MIA2: variants seen among roughly 807,000 people sequenced by gnomAD.
The protein encoded by MIA2 is melanoma inhibitory activity protein 2.
MIA2 carries 127 observed loss-of-function variants against 167.8 expected under a neutral mutation model. The ratio of observed to expected loss-of-function variants is 0.76; its 90% CI spans 0.66 to 0.88. The LOEUF (loss-of-function observed/expected upper bound fraction) is 0.88, where lower values mean the gene tolerates loss of function less well. Ranked by LOEUF, MIA2 falls within the 40% of genes least tolerant of loss-of-function variation. The pLI is 0.00. For synonymous variants in MIA2, 552 were observed against 541.9 expected (o/e 1.02, Z -0.26); for missense variants, 1,690 against 1,624.7 (o/e 1.04, Z -0.69).
Position 39,294,022 on chromosome 14 carries a change from T to C in MIA2, c.2342T>C (p.Ile781Thr), listed in dbSNP as rs1479581601. The change falls in exon 12 of 29, where the codon ATA becomes ACA. Residue 781 changes from isoleucine to threonine, a missense_variant. Ile to Thr is a moderately conservative substitution (Grantham distance 89, BLOSUM62 -1). Transcript: ENST00000640607. ...TAGATGGCGGATATTTCAAAAAGGA[T>C]ACAGTCTCTAGAAGATGAGTCAAAA... ...DELMADISKR[I>T]QSLEDESKSL... The C allele has an allele frequency of 3.1e-6, 5 of 1,611,788 alleles. No homozygotes were observed. The highest frequency in any genetic ancestry group is 1.3e-5 in the African/African-American group (1 of 74,804).
intron 6 of MIA2, among the ~76,000 whole-genome samples, chr14:39,257,775 C>T (rs928357757): frequency 6.6e-6 from 1 of 152,166 alleles, no homozygotes; most frequent in Non-Finnish European, 1.5e-5. Flanking sequence ...GTAAGGCAGG[C>T]CTGTTGGTGA....
At chr14:39,343,720 TTTCTGTAG>T (rs1471525411) in intron 25 of MIA2, among the ~76,000 whole-genome samples, 4 of 152,236 alleles carry the variant, frequency 2.6e-5, no homozygotes, top group African/African-American at 9.6e-5. Context: ...ATGTCCTTAC[TTTCTGTAG>T]TTCAGTTCAG....
In MIA2 at chr14:39,247,315, A is replaced by G; in HGVS notation, c.741A>G (p.Gln247=). Reference sequence around the variant, plus strand: ...TTGAATCAGTTATTGAACCTGTACAAGAAAGCTCATTTCGGAGTAGAAAAA... The same window carrying G: ...TTGAATCAGTTATTGAACCTGTACAGGAAAGCTCATTTCGGAGTAGAAAAA... ...KAFESVIEPV[Q]ESSFRSRKIA... is the part of the protein sequence containing the mutation. Residue 247 remains glutamine, a synonymous_variant, in exon 4 of 29, where the codon CAA becomes CAG. Transcript: ENST00000640607. 1.9e-6 allele frequency: 3 copies of G among 1,614,094 alleles called. No individual in the cohort carries two copies. Among genetic ancestry groups the G allele is most frequent in the Non-Finnish European group, 2.5e-6 (3 of 1,179,996 alleles).
chr14:39,332,192 G>A (rs1235445671), intron 25 of MIA2, among the ~76,000 whole-genome samples: 1 of 152,020 alleles, frequency 6.6e-6, no homozygotes, highest in East Asian at 1.9e-4. Flanking sequence ...TAGTAAGTTA[G>A]TGTTCAATCT....
intron 9 of MIA2, among the ~76,000 whole-genome samples, chr14:39,281,450 C>T (rs890545168): frequency 1.3e-5 from 2 of 152,004 alleles, no homozygotes; most frequent in East Asian, 3.9e-4. Context: ...TCACTTATGC[C>T]TATAATCATC....
chr14:39,288,433 ATATATATATATATAT>A (rs2060114240), intron 9 of MIA2, among the ~76,000 whole-genome samples: 2 of 10,052 alleles, frequency 2.0e-4, no homozygotes, highest in South Asian at 4.5e-3. Context: ...TATATTATAC[ATATATATATATATAT>A]ATATATATAT....
At chr14:39,358,144 G>A (rs796841875) in intron 23 of MIA2, among the ~76,000 whole-genome samples, 1 of 152,208 alleles carries the variant, frequency 6.6e-6, no homozygotes, top group African/African-American at 2.4e-5. Flanking sequence ...ATCCTGCAGA[G>A]TGTTTTCCAA....
At chr14:39,269,093 T>TTTTTTTTTTTTTTTTTTTTC (rs1240912410) in intron 6 of MIA2, 1 of 948,310 alleles carries the variant, frequency 1.1e-6, no homozygotes, top group African/African-American at 1.9e-5. Flanking sequence ...TTTTTTTTTT[T>TTTTTTTTTTTTTTTTTTTTC]TTTTTTGCTA....
At position 39,247,328 on chromosome 14, in the gene MIA2, C is replaced by T. The variant is rs762661827; in HGVS notation, c.754C>T (p.Arg252Trp). The T allele has an allele frequency of 1.2e-5, 19 of 1,613,898 alleles. No homozygotes were observed. Among genetic ancestry groups the T allele is most frequent in the Admixed American group, 1.0e-4 (6 of 59,982 alleles). The stretch of plus-strand genomic sequence containing the variant: ...TGAACCTGTACAAGAAAGCTCATTT[C>T]GGAGTAGAAAAATAGCAGTGGAAGA... The part of the protein sequence containing the change: ...VIEPVQESSF[R>W]SRKIAVEDEN... The change falls in exon 4 of 29, where the codon CGG becomes TGG. Residue 252 changes from arginine (R) to tryptophan (W), a missense_variant. Coordinates refer to ENST00000640607, the MANE Select transcript of MIA2 (RefSeq NM_001329214.4).
chr14:39,271,079 G>A (rs1043048971), intron 6 of MIA2, among the ~76,000 whole-genome samples: 22 of 152,160 alleles, frequency 1.4e-4, no homozygotes, highest in Admixed American at 1.4e-3. Context: ...TTCCTTCTAA[G>A]AGTTTTAGCT....
At chr14:39,329,993 T>C (rs1180079291) in intron 25 of MIA2, among the ~76,000 whole-genome samples, 1 of 152,244 alleles carries the variant, frequency 6.6e-6, no homozygotes, top group Non-Finnish European at 1.5e-5. Flanking sequence ...TAAAATGAGC[T>C]AGGGAGGATT....
intron 23 of MIA2, among the ~76,000 whole-genome samples, chr14:39,381,397 CTG>C (rs2075158364): frequency 6.6e-6 from 1 of 152,200 alleles, no homozygotes. Context: ...AACCATCAAA[CTG>C]TTTAAAACAT....
chr14:39,263,344 C>G (rs1048361979), intron 6 of MIA2, among the ~76,000 whole-genome samples: 2 of 149,818 alleles, frequency 1.3e-5, no homozygotes, highest in African/African-American at 4.9e-5. Flanking sequence ...GTTGAACCAG[C>G]CTTGCATCCC....
At chr14:39,278,220 T>G (rs2058451568) in intron 7 of MIA2, among the ~76,000 whole-genome samples, 1 of 152,166 alleles carries the variant, frequency 6.6e-6, no homozygotes, top group South Asian at 2.1e-4. Flanking sequence ...TGCCTTGGTC[T>G]CCCAAAGTTC....
At chr14:39,343,737 A>G (rs1179098807) in intron 25 of MIA2, among the ~76,000 whole-genome samples, 1 of 152,144 alleles carries the variant, frequency 6.6e-6, no homozygotes, top group African/African-American at 2.4e-5. Context: ...AGTTCAGTTC[A>G]GTCTTTAATT....
intron 25 of MIA2, among the ~76,000 whole-genome samples, chr14:39,330,042 T>C (rs1375122975): frequency 6.6e-6 from 1 of 152,190 alleles, no homozygotes; most frequent in African/African-American, 2.4e-5. Context: ...TCAGAAGGAA[T>C]GGTACCAGCT....
At chr14:39,278,008 C>G (rs1053537136) in intron 7 of MIA2, among the ~76,000 whole-genome samples, 1 of 151,510 alleles carries the variant, frequency 6.6e-6, no homozygotes. Context: ...GATTTCACTC[C>G]TGTCACCCGG....
At chr14:39,350,018 G>A in intron 28 of MIA2, 80 bp from the exon 29 acceptor site, 2 of 565,496 alleles carry the variant, frequency 3.5e-6, no homozygotes, top group Non-Finnish European at 6.4e-6. Context: ...GGTAATGGAA[G>A]TTATAAACTT....
chr14:39,351,594 G>C (rs957992724), downstream of MIA2, among the ~76,000 whole-genome samples: 2 of 152,076 alleles, frequency 1.3e-5, no homozygotes, highest in African/African-American at 4.8e-5. Flanking sequence ...TATGGGGGTG[G>C]AGACTTCATG....
Sources: gnomAD v4.1 joint callset for allele counts (sites outside exome capture counted in the v4.1 genomes callset) on GRCh38, gnomAD v4.1.1 for gene constraint, MANE v1.5 for transcripts, NCBI Gene and HGNC (gene_info 2026-07-23, HGNC 2026-07-21) for gene names.